The following LDLRAD4 variants were observed in gnomAD, a reference collection of about 807,000 sequenced individuals.
LDLRAD4 encodes low-density lipoprotein receptor class A domain-containing protein 4.
A neutral mutation model predicts 17.0 loss-of-function variants in LDLRAD4; 5 were observed. That is an observed-to-expected ratio of 0.29 (90% CI 0.15 to 0.62). The LOEUF is 0.62. Ranked by LOEUF, LDLRAD4 falls within the 20% of genes least tolerant of loss-of-function variation. LDLRAD4 has a pLI of 0.84. For synonymous variants in LDLRAD4, 168 were observed against 171.8 expected, an observed-to-expected ratio of 0.98 and a Z score of 0.17; for missense variants, 340 against 424.7, an observed-to-expected ratio of 0.80 and a Z score of 1.75.
chr18:13,244,233 A>G (rs1374598687), intron 1 of LDLRAD4, among the ~76,000 whole-genome samples: 1 of 139,860 alleles, frequency 7.2e-6, no homozygotes, highest in African/African-American at 2.7e-5. Flanking sequence ...TAATCCATCT[A>G]CCTCCTGTCC....
chr18:13,438,359 G>T (rs1354549415), exon 3 of LDLRAD4: 5 of 1,614,126 alleles, frequency 3.1e-6, no homozygotes, highest in Non-Finnish European at 4.2e-6. Flanking sequence ...TGGTGACCGA[G>T]CACCCGCCTC....
At chr18:13,634,119 G>T (rs1427727147) in intron 4 of LDLRAD4, among the ~76,000 whole-genome samples, 2 of 152,212 alleles carry the variant, frequency 1.3e-5, no homozygotes, top group African/African-American at 4.8e-5. Flanking sequence ...AATGGTAAAA[G>T]ACTGAAAGCT....
chr18:13,422,417 C>G (rs2089557056), intron 2 of LDLRAD4, among the ~76,000 whole-genome samples: 1 of 152,258 alleles, frequency 6.6e-6, no homozygotes, highest in African/African-American at 2.4e-5. Context: ...ACCAGTAAGG[C>G]CAGGTGCAGT....
At chr18:13,301,742 C>T (rs2046615420) in intron 1 of LDLRAD4, among the ~76,000 whole-genome samples, 1 of 152,212 alleles carries the variant, frequency 6.6e-6, no homozygotes, top group Non-Finnish European at 1.5e-5. Flanking sequence ...GCCCCATTGC[C>T]CATCGTGCAC....
At chr18:13,334,253 T>C (rs1483951680) in intron 1 of LDLRAD4, among the ~76,000 whole-genome samples, 1 of 152,204 alleles carries the variant, frequency 6.6e-6, no homozygotes, top group African/African-American at 2.4e-5. Context: ...TCTTTTTTTT[T>C]TGAGATGAAA....
At chr18:13,400,619 G>A (rs982477810) in intron 2 of LDLRAD4, among the ~76,000 whole-genome samples, 2 of 152,186 alleles carry the variant, frequency 1.3e-5, no homozygotes, top group Non-Finnish European at 1.5e-5. Context: ...GAGAGGAACC[G>A]GGGCAGTGAT....
At chr18:13,499,346 G>GC in intron 3 of LDLRAD4, among the ~76,000 whole-genome samples, 1 of 111,906 alleles carries the variant, frequency 8.9e-6, no homozygotes, top group Admixed American at 9.9e-5. Context: ...GAGAATCCTT[G>GC]CCACACACGT....
intron 1 of LDLRAD4, among the ~76,000 whole-genome samples, chr18:13,310,911 G>A (rs1476536481): frequency 6.6e-6 from 1 of 152,164 alleles, no homozygotes; most frequent in Non-Finnish European, 1.5e-5. Context: ...TGCAGATTCT[G>A]GATCCAGAGA....
At chr18:13,332,693 G>A (rs1029208587) in intron 1 of LDLRAD4, among the ~76,000 whole-genome samples, 3 of 151,596 alleles carry the variant, frequency 2.0e-5, no homozygotes, top group African/African-American at 4.8e-5. Flanking sequence ...TTAGTAATAT[G>A]CGTTTCATGT....
chr18:13,404,362 C>T (rs1164140506), intron 2 of LDLRAD4, among the ~76,000 whole-genome samples: 1 of 152,198 alleles, frequency 6.6e-6, no homozygotes. Context: ...AGTGCCGCGA[C>T]GGTGTGGCCG....
At chr18:13,540,601 G>A (rs556210580) in intron 3 of LDLRAD4, among the ~76,000 whole-genome samples, 1 of 152,294 alleles carries the variant, frequency 6.6e-6, no homozygotes, top group African/African-American at 2.4e-5. Flanking sequence ...GTGGGGGTTC[G>A]TCAGTGGTTA....
chr18:13,307,053 T>G (rs1405283603), intron 1 of LDLRAD4, among the ~76,000 whole-genome samples: 1 of 152,180 alleles, frequency 6.6e-6, no homozygotes, highest in Non-Finnish European at 1.5e-5. Context: ...TCAGACTGCT[T>G]TTGACTTCTT....
At chr18:13,247,641 T>C (rs2043021076) in intron 1 of LDLRAD4, among the ~76,000 whole-genome samples, 1 of 152,126 alleles carries the variant, frequency 6.6e-6, no homozygotes, top group South Asian at 2.1e-4. Context: ...GTGGTCTTAG[T>C]GAGGGGCCCA....
intron 1 of LDLRAD4, among the ~76,000 whole-genome samples, chr18:13,320,732 A>G (rs1314766858): frequency 6.6e-6 from 1 of 152,184 alleles, no homozygotes; most frequent in Non-Finnish European, 1.5e-5. Context: ...GGCAGGGTGG[A>G]GCCGGGGAGC....
intron 1 of LDLRAD4, among the ~76,000 whole-genome samples, chr18:13,245,171 G>A (rs2145741672): frequency 6.6e-6 from 1 of 152,286 alleles, no homozygotes. Flanking sequence ...GGAGCTCGTG[G>A]GCAGGAGTCA....
intron 1 of LDLRAD4, among the ~76,000 whole-genome samples, chr18:13,225,684 G>C (rs1033778055): frequency 7.2e-5 from 11 of 152,182 alleles, no homozygotes; most frequent in Non-Finnish European, 1.3e-4. Context: ...TTAGGAAATA[G>C]GGAAAGAAGG....
intron 3 of LDLRAD4, among the ~76,000 whole-genome samples, chr18:13,561,058 C>G (rs2094534890): frequency 3.6e-4 from 1 of 2,812 alleles, no homozygotes; most frequent in Non-Finnish European, 0.012. Context: ...TGTGAATTGG[C>G]TTATGATGTG....
chr18:13,237,682 C>T (rs2042403829), intron 1 of LDLRAD4, among the ~76,000 whole-genome samples: 1 of 152,182 alleles, frequency 6.6e-6, no homozygotes, highest in Non-Finnish European at 1.5e-5. Flanking sequence ...GTGTGACAGC[C>T]CTGCACCAGT....
At chr18:13,499,595 A>G (rs113263172) in intron 3 of LDLRAD4, among the ~76,000 whole-genome samples, 505 of 88,008 alleles carry the variant, frequency 5.7e-3, no homozygotes, top group Middle Eastern at 0.01. Context: ...CGCCACACAC[A>G]TCCTGCCGTG....
Sources: allele counts gnomAD v4.1 joint callset (sites outside exome capture counted in the v4.1 genomes callset), GRCh38; gene constraint gnomAD v4.1.1; transcripts MANE v1.5; gene names NCBI Gene and HGNC (gene_info 2026-07-23, HGNC 2026-07-21).